EPB41L4A: variants seen among roughly 807,000 people sequenced by gnomAD.
EPB41L4A encodes the protein erythrocyte membrane protein band 4.1 like 4A, also known as band 4.1-like protein 4A.
A neutral mutation model predicts 108.6 loss-of-function variants in EPB41L4A; 100 were observed. The ratio of observed to expected loss-of-function variants is 0.92; its 90% CI spans 0.78 to 1.09. The LOEUF is 1.09. EPB41L4A is among the 50% of genes least tolerant of loss of function. The pLI, the probability that EPB41L4A is intolerant of heterozygous loss-of-function variation, is 0.00. For missense variants in EPB41L4A, 1,030 were observed against 842.7 expected (o/e 1.22, Z -2.75); for synonymous variants, 319 against 289.0 (o/e 1.10, Z -1.05).
chr5:112,351,845 A>G (rs1184448494), intron 1 of EPB41L4A, among the ~76,000 whole-genome samples: 1 of 152,242 alleles, frequency 6.6e-6, no homozygotes, highest in East Asian at 1.9e-4. Flanking sequence ...GAGTCAATAA[A>G]CGCAAATCAA....
At chr5:112,330,783 G>T (rs1195929811) in intron 1 of EPB41L4A, among the ~76,000 whole-genome samples, 3 of 151,856 alleles carry the variant, frequency 2.0e-5, no homozygotes, top group Non-Finnish European at 4.4e-5. Flanking sequence ...TATACTTCTG[G>T]GTCTGTGTAT....
intron 1 of EPB41L4A, among the ~76,000 whole-genome samples, chr5:112,396,439 T>C (rs1197448079): frequency 6.6e-6 from 1 of 152,222 alleles, no homozygotes; most frequent in Non-Finnish European, 1.5e-5. Flanking sequence ...ATGGCACTAC[T>C]GCTGTATAAC....
At chr5:112,330,939 T>C (rs1046736284) in intron 1 of EPB41L4A, among the ~76,000 whole-genome samples, 3 of 152,118 alleles carry the variant, frequency 2.0e-5, no homozygotes, top group African/African-American at 7.2e-5. Context: ...TTCAGTACTG[T>C]TTCCATTTCC....
At chr5:112,259,075 C>G (rs1469975993) in intron 9 of EPB41L4A, among the ~76,000 whole-genome samples, 154 bp downstream of exon 9, 2 of 152,188 alleles carry the variant, frequency 1.3e-5, no homozygotes, top group Non-Finnish European at 2.9e-5. Context: ...ATTCACTTCC[C>G]TTTCCTTCCT....
In EPB41L4A at chr5:112,205,430, C is replaced by A; in HGVS notation, c.1253G>T (p.Gly418Val). 6.2e-7 allele frequency: 1 copy of A among 1,613,472 alleles called. No homozygotes were observed. The highest frequency in any genetic ancestry group is 8.5e-7 in the Non-Finnish European group (1 of 1,179,476). ...CAATGATTCCCTTTACCTCTGGGGG[C>A]CATTTTCTTCCCACGGTGCATGAGA... ...SKSHAPWEEN[G>V]PQSGLYNSPS... Residue 418 changes from glycine to valine, a missense_variant, in exon 14 of 23, where the codon GGC becomes GTC. Coordinates refer to ENST00000261486, the MANE Select transcript of EPB41L4A (RefSeq NM_022140.5).
intron 12 of EPB41L4A, among the ~76,000 whole-genome samples, chr5:112,229,372 T>A (rs949009561): frequency 6.6e-6 from 1 of 152,196 alleles, no homozygotes; most frequent in African/African-American, 2.4e-5. Flanking sequence ...CTATTCCTAC[T>A]CCACTAAATA....
intron 17 of EPB41L4A, among the ~76,000 whole-genome samples, chr5:112,193,066 G>A (rs757448979): frequency 5.9e-5 from 9 of 152,308 alleles, no homozygotes; most frequent in East Asian, 1.9e-4. Flanking sequence ...GAAAGGTGTC[G>A]TAACACATTG....
chr5:112,273,790 T>A (rs1171630437), intron 4 of EPB41L4A, among the ~76,000 whole-genome samples: 2 of 152,240 alleles, frequency 1.3e-5, no homozygotes, highest in Non-Finnish European at 2.9e-5. Flanking sequence ...TATAAGTGTA[T>A]TTTTTTATAC....
intron 1 of EPB41L4A, among the ~76,000 whole-genome samples, chr5:112,357,806 G>A (rs1165715617): frequency 1.3e-5 from 2 of 152,196 alleles, no homozygotes; most frequent in African/African-American, 4.8e-5. Flanking sequence ...AGAACATCTA[G>A]GGAAGAGCTA....
chr5:112,158,720 G>A (rs1053095023), downstream of EPB41L4A, among the ~76,000 whole-genome samples: 2 of 152,198 alleles, frequency 1.3e-5, no homozygotes, highest in African/African-American at 2.4e-5. Context: ...GCCAAGCAAA[G>A]ATCTGGTGAG....
chr5:112,352,138 T>C (rs1758081502), intron 1 of EPB41L4A, among the ~76,000 whole-genome samples: 1 of 152,230 alleles, frequency 6.6e-6, no homozygotes. Context: ...CATTTACTTC[T>C]GCTCTGATCT....
intron 1 of EPB41L4A, among the ~76,000 whole-genome samples, chr5:112,386,217 G>T (rs1760517454): frequency 6.6e-6 from 1 of 152,194 alleles, no homozygotes. Flanking sequence ...AATGTACAGT[G>T]AAGAAATAAT....
intron 2 of EPB41L4A, among the ~76,000 whole-genome samples, chr5:112,306,188 T>C (rs994261548): frequency 2.6e-5 from 4 of 152,174 alleles, no homozygotes; most frequent in Non-Finnish European, 4.4e-5. Flanking sequence ...AAAATATGAA[T>C]GTAGCACATG....
chr5:112,166,032 C>T (rs6594566), intron 22 of EPB41L4A, among the ~76,000 whole-genome samples: 113,474 of 152,154 alleles, frequency 0.75, 43,453 homozygotes, highest in East Asian at 1. Flanking sequence ...GAGGAGAATA[C>T]AGCAGAAGAA....
chr5:112,152,938 G>T (rs996918890), intron 12 of EPB41L4A, among the ~76,000 whole-genome samples: 3 of 152,186 alleles, frequency 2.0e-5, no homozygotes, highest in Non-Finnish European at 2.9e-5. Flanking sequence ...TATATACAGG[G>T]CCAGGTGCAG....
intron 1 of EPB41L4A, among the ~76,000 whole-genome samples, chr5:112,320,150 C>T (rs773439346): frequency 2.0e-5 from 3 of 152,152 alleles, no homozygotes; most frequent in South Asian, 4.1e-4. Flanking sequence ...ATTCTTCCAC[C>T]CAATAGAACT....
intron 9 of EPB41L4A, among the ~76,000 whole-genome samples, chr5:112,248,066 T>C (rs1006394969): frequency 3.3e-5 from 5 of 152,198 alleles, no homozygotes; most frequent in Non-Finnish European, 5.9e-5. Context: ...ATGACAAGTA[T>C]GAACTCACTC....
intron 9 of EPB41L4A, among the ~76,000 whole-genome samples, chr5:112,253,828 A>G (rs1221529781): frequency 6.6e-6 from 1 of 152,220 alleles, no homozygotes; most frequent in East Asian, 1.9e-4. Flanking sequence ...CTTTTTAAAT[A>G]AATTTTGAGT....
rs1248361653 is a variant in EPB41L4A, at chr5:112,168,862, C to T, written c.1851-42G>A. On this transcript the variant is annotated intron_variant, in intron 21 of 22. Transcript: ENST00000261486. ...TTAGAATTAGTGACTGGAACAGTATCTAGAATCATAAATTAAGTTGGAAGA... is the reference window on the plus strand; with the variant it reads ...TTAGAATTAGTGACTGGAACAGTATTTAGAATCATAAATTAAGTTGGAAGA... 7 of 1,560,668 alleles carry T rather than the reference C, an allele frequency of 4.5e-6. No individual in the cohort carries two copies. The South Asian group carries it at 7.8e-5, about 17-fold the overall frequency.
Sources: allele counts gnomAD v4.1 joint callset (sites outside exome capture counted in the v4.1 genomes callset), GRCh38; gene constraint gnomAD v4.1.1; transcripts MANE v1.5; gene names NCBI Gene and HGNC (gene_info 2026-07-23, HGNC 2026-07-21).